TENM3: variants seen among roughly 807,000 people sequenced by gnomAD.
TENM3 encodes teneurin transmembrane protein 3.
In TENM3, 63 loss-of-function variants were observed where a neutral mutation model predicts 255.1. The ratio of observed to expected loss-of-function variants is 0.25; its 90% confidence interval spans 0.20 to 0.30. TENM3 has a LOEUF of 0.30. Ranked by LOEUF, TENM3 falls within the 10% of genes least tolerant of loss-of-function variation. The pLI is 1.00. For missense variants in TENM3, 2,929 were observed against 3,461.1 expected (o/e 0.85, Z 3.86); for synonymous variants, 1,306 against 1,322.3 (o/e 0.99, Z 0.27).
intron 3 of TENM3, among the ~76,000 whole-genome samples, chr4:182,525,159 G>GCCGATTC (rs1739025876): frequency 1.3e-5 from 2 of 152,216 alleles, no homozygotes; most frequent in Non-Finnish European, 1.5e-5. Flanking sequence ...ATCTGTACCT[G>GCCGATTC]CCGATTCCCT....
At chr4:182,194,532 A>G (rs1158640489) in intron 1 of TENM3, among the ~76,000 whole-genome samples, 3 of 152,204 alleles carry the variant, frequency 2.0e-5, no homozygotes, top group South Asian at 2.1e-4. Flanking sequence ...TCGCCTCAAT[A>G]TGCACTCCTT....
chr4:182,338,854 A>G (rs1032231845), intron 2 of TENM3, among the ~76,000 whole-genome samples: 3 of 152,194 alleles, frequency 2.0e-5, no homozygotes, highest in African/African-American at 7.2e-5. Flanking sequence ...GGAAGATTTG[A>G]GAGCCAAGAG....
At chr4:182,075,909 A>C in the TENM3 span, among the ~76,000 whole-genome samples, 58 of 152,140 alleles carry the variant, frequency 3.8e-4, no homozygotes, top group African/African-American at 1.3e-3. Flanking sequence ...TTCTTCATAT[A>C]TCTTCTATCC....
the TENM3 span, among the ~76,000 whole-genome samples, chr4:181,978,444 C>T: frequency 2.0e-5 from 3 of 151,944 alleles, no homozygotes; most frequent in Non-Finnish European, 2.9e-5. Context: ...GTCAGGAGTT[C>T]GAGACCAGCC....
chr4:181,469,112 A>G, the TENM3 span, among the ~76,000 whole-genome samples: 1 of 152,130 alleles, frequency 6.6e-6, no homozygotes, highest in African/African-American at 2.4e-5. Flanking sequence ...GCAGTTGTCA[A>G]TTGTCATGGG....
At chr4:181,599,020 G>A in the TENM3 span, among the ~76,000 whole-genome samples, 1 of 152,128 alleles carries the variant, frequency 6.6e-6, no homozygotes, top group Admixed American at 6.5e-5. Flanking sequence ...ACTACCTGAA[G>A]CTTTTCATTC....
intron 4 of TENM3, among the ~76,000 whole-genome samples, chr4:182,607,707 G>A (rs62339124): frequency 0.12 from 18,614 of 152,072 alleles, 2,189 homozygotes; most frequent in East Asian, 0.54. Flanking sequence ...TAGCAATTAA[G>A]ACACCAAGAA....
At chr4:181,749,150 T>G in the TENM3 span, among the ~76,000 whole-genome samples, 1 of 152,136 alleles carries the variant, frequency 6.6e-6, no homozygotes, top group Non-Finnish European at 1.5e-5. Flanking sequence ...TTAATTTGAC[T>G]TTATCCCTTG....
At chr4:182,218,833 T>G (rs1755671886) in intron 1 of TENM3, among the ~76,000 whole-genome samples, 1 of 152,196 alleles carries the variant, frequency 6.6e-6, no homozygotes, top group Non-Finnish European at 1.5e-5. Context: ...GTGCATTGAT[T>G]TGTGTGACAG....
chr4:182,781,113 G>A (rs1765127704), intron 24 of TENM3, among the ~76,000 whole-genome samples: 1 of 152,104 alleles, frequency 6.6e-6, no homozygotes, highest in South Asian at 2.1e-4. Flanking sequence ...AGTGGTGAGA[G>A]AGGGCGTCCC....
chr4:181,577,016 A>G, the TENM3 span, among the ~76,000 whole-genome samples: 3 of 131,762 alleles, frequency 2.3e-5, no homozygotes, highest in East Asian at 2.0e-4. Flanking sequence ...TATATATAAT[A>G]TATGTAATAT....
the TENM3 span, among the ~76,000 whole-genome samples, chr4:181,900,654 A>C: frequency 3.9e-5 from 6 of 152,114 alleles, no homozygotes; most frequent in Admixed American, 6.6e-5. Flanking sequence ...CAATTCAATA[A>C]ATTCAATTCC....
At chr4:181,508,703 G>T in the TENM3 span, among the ~76,000 whole-genome samples, 1 of 151,850 alleles carries the variant, frequency 6.6e-6, no homozygotes. Flanking sequence ...ACCAAATACG[G>T]CTGGATCCCC....
At chr4:181,680,604 TAATC>T in the TENM3 span, among the ~76,000 whole-genome samples, 1 of 152,164 alleles carries the variant, frequency 6.6e-6, no homozygotes, top group South Asian at 2.1e-4. Flanking sequence ...ATAGTTCAAA[TAATC>T]AGTTAGGGAA....
intron 3 of TENM3, among the ~76,000 whole-genome samples, chr4:182,532,687 G>A (rs1052501741): frequency 1.3e-5 from 2 of 152,084 alleles, no homozygotes; most frequent in Admixed American, 1.3e-4. Context: ...TTACCCAAGT[G>A]ACCAGAAAGA....
the TENM3 span, among the ~76,000 whole-genome samples, chr4:181,795,267 G>A: frequency 6.6e-6 from 1 of 151,918 alleles, no homozygotes; most frequent in African/African-American, 2.4e-5. Context: ...GCATCAAGGT[G>A]CTGGCTGACA....
At chr4:182,557,558 C>T (rs1432926263) in intron 3 of TENM3, among the ~76,000 whole-genome samples, 4 of 152,184 alleles carry the variant, frequency 2.6e-5, no homozygotes, top group African/African-American at 9.7e-5. Flanking sequence ...AATCCATGTG[C>T]TAATGGTCTT....
chr4:182,343,421 G>C (rs1427943703), intron 2 of TENM3, among the ~76,000 whole-genome samples: 1 of 152,198 alleles, frequency 6.6e-6, no homozygotes, highest in African/African-American at 2.4e-5. Context: ...TTAAAGCAAT[G>C]TTAGAACTAC....
intron 6 of TENM3, among the ~76,000 whole-genome samples, chr4:182,665,716 A>AAACCC (rs1754614151): frequency 6.6e-6 from 1 of 151,948 alleles, no homozygotes; most frequent in Admixed American, 6.6e-5. Context: ...TAACAGGGTG[A>AAACCC]AACCCCGTCT....
Sources: gnomAD v4.1 joint callset for allele counts (sites outside exome capture counted in the v4.1 genomes callset) on GRCh38, gnomAD v4.1.1 for gene constraint, MANE v1.5 for transcripts, NCBI Gene and HGNC (gene_info 2026-07-23, HGNC 2026-07-21) for gene names.